RPA3: variants seen among roughly 807,000 people sequenced by gnomAD.
RPA3 encodes the protein replication protein A3, also known as replication protein A 14 kDa subunit.
A neutral mutation model predicts 13.7 loss-of-function variants in RPA3; 24 were observed. The observed-to-expected ratio is 1.75, with a 90% confidence interval of 1.27 to 2.46. The LOEUF is 2.46. Among genes scored for constraint, RPA3 ranks in the 30% most tolerant of loss-of-function variants. RPA3 has a pLI of 0.00. For missense variants in RPA3, 183 were observed against 151.0 expected (o/e 1.21, Z -1.11); for synonymous variants, 59 against 51.2 (o/e 1.15, Z -0.65).
intron 4 of RPA3, among the ~76,000 whole-genome samples, chr7:7,642,065 G>C (rs1220424627): frequency 6.6e-6 from 1 of 152,136 alleles, no homozygotes; most frequent in Non-Finnish European, 1.5e-5. Context: ...TAAGTCTTTT[G>C]TACTTTAGCA....
intron 4 of RPA3, among the ~76,000 whole-genome samples, chr7:7,683,871 C>T (rs1779974854): frequency 6.6e-6 from 1 of 152,152 alleles, no homozygotes; most frequent in East Asian, 1.9e-4. Flanking sequence ...GATCCGCCTG[C>T]CTTGGCCTCC....
chr7:7,707,133 T>C (rs952700235), intron 2 of RPA3, among the ~76,000 whole-genome samples: 4 of 152,188 alleles, frequency 2.6e-5, no homozygotes, highest in Non-Finnish European at 5.9e-5. Context: ...GGATTGCTGT[T>C]TGTGCACATT....
chr7:7,673,165 T>G lies in RPA3; in HGVS notation c.-758+12665A>C, dbSNP rs901213017. The G allele has an allele frequency of 2.4e-5, 16 of 675,388 alleles. No homozygotes were observed. The African/African-American group carries it at 2.9e-4, about 12-fold the overall frequency. 41.8% of individuals were successfully genotyped at this position (675,388 alleles called of 1,614,324 possible). The stretch of plus-strand genomic sequence containing the variant: ...TTTTCTAGCTTTGTCGGCTGACATC[T>G]AGAGAAGGCTCATGGTTTTACATGT... On this transcript the variant is annotated intron_variant, in intron 4 of 7. Coordinates refer to ENST00000223129, the MANE Select transcript of RPA3 (RefSeq NM_002947.5).
chr7:7,660,067 T>C (rs1785436708), intron 4 of RPA3, among the ~76,000 whole-genome samples: 1 of 152,234 alleles, frequency 6.6e-6, no homozygotes, highest in South Asian at 2.1e-4. Flanking sequence ...GCTCTTTTTG[T>C]CTCTTTTGAT....
intron 6 of RPA3, chr7:7,638,226 T>A: frequency 3.0e-6 from 1 of 337,658 alleles, no homozygotes; most frequent in Non-Finnish European, 5.6e-6. Flanking sequence ...ACAAAATCAC[T>A]ATTGAAAACG....
intron 2 of RPA3, among the ~76,000 whole-genome samples, chr7:7,694,726 T>C (rs1780266635): frequency 6.6e-6 from 1 of 152,238 alleles, no homozygotes; most frequent in Non-Finnish European, 1.5e-5. Flanking sequence ...CTCATTCTTC[T>C]TTATGGCTGA....
chr7:7,643,908 C>T (rs1399179236), intron 4 of RPA3, among the ~76,000 whole-genome samples: 1 of 152,088 alleles, frequency 6.6e-6, no homozygotes, highest in Non-Finnish European at 1.5e-5. Flanking sequence ...CTGCTTTATG[C>T]CCCTCAGTCA....
chr7:7,648,808 G>GT (rs1563082194), intron 4 of RPA3, among the ~76,000 whole-genome samples: 1 of 151,640 alleles, frequency 6.6e-6, no homozygotes, highest in African/African-American at 2.4e-5. Context: ...AGCTAAGATC[G>GT]TGTCACTGTG....
Position 7,640,709 on chromosome 7 carries a change from G to A in RPA3, c.-291C>T. 2.6e-6 allele frequency: 1 copy of A among 387,982 alleles called. No homozygotes were observed. The highest frequency in any genetic ancestry group is 4.7e-6 in the Non-Finnish European group (1 of 212,578). 24.0% of individuals were successfully genotyped at this position (387,982 alleles called of 1,614,324 possible). ...TGGAGGCGGGACTTGGATAGGGGCGGAACCTGAGACTACCTTTCTGCGATC... is the reference window on the plus strand; with the variant it reads ...TGGAGGCGGGACTTGGATAGGGGCGAAACCTGAGACTACCTTTCTGCGATC... On this transcript the variant is annotated 5_prime_UTR_variant, in exon 5 of 8. Coordinates refer to ENST00000223129, the MANE Select transcript of RPA3 (RefSeq NM_002947.5).
chr7:7,675,342 T>C (rs1779712579), intron 4 of RPA3, among the ~76,000 whole-genome samples: 2 of 152,320 alleles, frequency 1.3e-5, no homozygotes, highest in South Asian at 4.1e-4. Flanking sequence ...CTTTGTAGGA[T>C]TTCTGAGACA....
intron 5 of RPA3, 61 bp from the exon 6 acceptor site, chr7:7,639,205 G>T: frequency 1.6e-6 from 2 of 1,255,596 alleles, no homozygotes; most frequent in South Asian, 1.3e-5. Flanking sequence ...GACTAAAGAT[G>T]AGTACATTGA....
At chr7:7,649,311 G>C (rs1785169338) in intron 4 of RPA3, among the ~76,000 whole-genome samples, 1 of 152,142 alleles carries the variant, frequency 6.6e-6, no homozygotes, top group African/African-American at 2.4e-5. Flanking sequence ...GACCATGAGA[G>C]AAATGTAAGG....
chr7:7,683,819 C>T (rs1779972454), intron 4 of RPA3, among the ~76,000 whole-genome samples: 2 of 152,146 alleles, frequency 1.3e-5, no homozygotes, highest in South Asian at 2.1e-4. Context: ...GACAGGGTTT[C>T]ACCATGTTGG....
intron 4 of RPA3, among the ~76,000 whole-genome samples, chr7:7,667,252 G>A (rs1309010276): frequency 6.6e-6 from 1 of 152,116 alleles, no homozygotes; most frequent in East Asian, 1.9e-4. Flanking sequence ...AATTTGGTAT[G>A]TTTCCTGTTT....
chr7:7,688,811 C>T (rs1019818661), intron 2 of RPA3, among the ~76,000 whole-genome samples: 76 of 152,144 alleles, frequency 5.0e-4, no homozygotes, highest in Admixed American at 3.3e-4. Context: ...AAAAGCTGAT[C>T]CTCAGTCTGT....
chr7:7,685,783 T>C (rs1303695473), intron 4 of RPA3, 47 bp downstream of exon 4: 1 of 152,248 alleles, frequency 6.6e-6, no homozygotes, highest in Non-Finnish European at 1.5e-5. Context: ...GAAAAAAATT[T>C]AAGTGTTTTC....
intron 2 of RPA3, among the ~76,000 whole-genome samples, chr7:7,710,362 A>G (rs1780724264): frequency 6.6e-6 from 1 of 152,202 alleles, no homozygotes. Context: ...CAGCAGTAAA[A>G]AACAAAAAAC....
At chr7:7,667,716 G>A (rs1779502928) in intron 4 of RPA3, among the ~76,000 whole-genome samples, 2 of 152,136 alleles carry the variant, frequency 1.3e-5, no homozygotes, top group Admixed American at 1.3e-4. Context: ...AGACAGAAAT[G>A]GAATTAATCA....
chr7:7,638,988 A>T (rs965874870), intron 6 of RPA3, 82 bp downstream of exon 6: 2 of 1,148,338 alleles, frequency 1.7e-6, no homozygotes, highest in African/African-American at 3.2e-5. Context: ...CCATTGCAAA[A>T]ATTAGAAACA....
Sources: gnomAD v4.1 joint callset for allele counts (sites outside exome capture counted in the v4.1 genomes callset) on GRCh38, gnomAD v4.1.1 for gene constraint, MANE v1.5 for transcripts, NCBI Gene and HGNC (gene_info 2026-07-23, HGNC 2026-07-21) for gene names.